The following MDGA2 variants were observed in gnomAD, a reference collection of about 807,000 sequenced individuals.
The protein encoded by MDGA2 is MAM domain containing glycosylphosphatidylinositol anchor 2.
A neutral mutation model predicts 117.8 loss-of-function variants in MDGA2; 40 were observed. The ratio of observed to expected loss-of-function variants is 0.34; its 90% CI spans 0.26 to 0.44. The LOEUF (loss-of-function observed/expected upper bound fraction) is 0.44, where lower values mean the gene tolerates loss of function less well. Among genes scored for constraint, MDGA2 ranks in the 20% least tolerant of loss-of-function variants. The pLI is 1.00. For synonymous variants in MDGA2, 452 were observed against 439.0 expected (o/e 1.03, Z -0.37); for missense variants, 1,123 against 1,250.6 (o/e 0.90, Z 1.54).
intron 1 of MDGA2, among the ~76,000 whole-genome samples, chr14:47,373,881 C>A (rs773856613): frequency 2.4e-4 from 36 of 152,110 alleles, no homozygotes; most frequent in Admixed American, 3.9e-4. Flanking sequence ...AACATGATAA[C>A]TGTTTCTTAA....
At chr14:47,356,667 C>T (rs1178266839) in intron 1 of MDGA2, among the ~76,000 whole-genome samples, 2 of 152,138 alleles carry the variant, frequency 1.3e-5, no homozygotes, top group East Asian at 3.9e-4. Context: ...GACCTCACCC[C>T]TAAGGGCAAT....
intron 1 of MDGA2, among the ~76,000 whole-genome samples, chr14:47,460,711 C>T (rs984468711): frequency 1.3e-5 from 2 of 151,948 alleles, no homozygotes; most frequent in Admixed American, 1.3e-4. Context: ...CCATGGTGTA[C>T]TGAAAACAGA....
chr14:47,539,789 T>C (rs901814255), intron 1 of MDGA2, among the ~76,000 whole-genome samples: 1 of 152,190 alleles, frequency 6.6e-6, no homozygotes, highest in Non-Finnish European at 1.5e-5. Flanking sequence ...TTATATATGG[T>C]TCATACCACA....
intron 1 of MDGA2, among the ~76,000 whole-genome samples, chr14:47,608,230 T>C (rs1896776475): frequency 6.6e-6 from 1 of 152,150 alleles, no homozygotes; most frequent in African/African-American, 2.4e-5. Context: ...TAAGCACAAG[T>C]AGTTCCTCGT....
Position 47,336,177 on chromosome 14 carries a change from T to C in MDGA2, c.281-34627A>G, listed in dbSNP as rs537756546. Among the ~76,000 whole-genome samples the C allele has an allele frequency of 3.3e-5, 5 of 151,982 alleles. 1 individual carries two copies. In the South Asian group the frequency reaches 1.0e-3, roughly 32 times the overall value. On this transcript the variant is annotated intron_variant, in intron 1 of 16. Coordinates refer to ENST00000399232, the MANE Select transcript of MDGA2 (RefSeq NM_001113498.3). ...AGGAAAAGGTCAGGAATTGTAAATA[T>C]CAACATTTAGGAGATGTCTTGTAGA...
chr14:47,342,129 G>A (rs1293658403), intron 1 of MDGA2, among the ~76,000 whole-genome samples: 2 of 152,002 alleles, frequency 1.3e-5, no homozygotes, highest in Non-Finnish European at 2.9e-5. Flanking sequence ...GGGGTTACAG[G>A]CGTGAGCCAC....
At chr14:47,406,750 G>A (rs892574736) in intron 1 of MDGA2, among the ~76,000 whole-genome samples, 7 of 151,842 alleles carry the variant, frequency 4.6e-5, no homozygotes, top group Admixed American at 1.3e-4. Flanking sequence ...CTCCCATAAT[G>A]ATTTAAATAA....
chr14:47,613,438 C>A (rs1277713657), intron 1 of MDGA2, among the ~76,000 whole-genome samples: 1 of 151,322 alleles, frequency 6.6e-6, no homozygotes, highest in African/African-American at 2.4e-5. Context: ...CTACTATTTG[C>A]AGGCAACTTT....
intron 2 of MDGA2, among the ~76,000 whole-genome samples, chr14:47,266,199 G>A (rs1887960087): frequency 6.6e-6 from 1 of 152,096 alleles, no homozygotes; most frequent in Non-Finnish European, 1.5e-5. Flanking sequence ...TAACTCCCAA[G>A]CCCATTCTTT....
rs369427491 is a variant in MDGA2 at position 47,515,203 on chromosome 14, G to A, written c.280+159314C>T. ...CTTGCACAGCAGACTAGAGAATTAC[G>A]CCTGGATGAGGGGCTGGCTAGTTGA... On this transcript the variant is annotated intron_variant, in intron 1 of 16. Coordinates refer to ENST00000399232, the MANE Select transcript of MDGA2 (RefSeq NM_001113498.3). Among the ~76,000 whole-genome samples, 35 of 152,212 alleles carry A rather than the reference G, an allele frequency of 2.3e-4. No individual in the cohort carries two copies. The East Asian group carries it at 2.5e-3, about 11-fold the overall frequency.
chr14:47,606,186 T>C (rs1896740473), intron 1 of MDGA2, among the ~76,000 whole-genome samples: 1 of 152,234 alleles, frequency 6.6e-6, no homozygotes, highest in Non-Finnish European at 1.5e-5. Context: ...ATACTCACTA[T>C]TATGTCCTTA....
At chr14:47,210,885 G>A (rs1415840094) in intron 3 of MDGA2, among the ~76,000 whole-genome samples, 1 of 151,974 alleles carries the variant, frequency 6.6e-6, no homozygotes, top group Non-Finnish European at 1.5e-5. Flanking sequence ...TCAGGAGCCT[G>A]AGGGGGAGGA....
At chr14:47,592,015 C>A (rs567547025) in intron 1 of MDGA2, among the ~76,000 whole-genome samples, 4 of 151,968 alleles carry the variant, frequency 2.6e-5, no homozygotes, top group African/African-American at 9.6e-5. Flanking sequence ...CCAAAAGCTT[C>A]TTAAGCTGAT....
chr14:47,098,521 C>T (rs1325974688), intron 5 of MDGA2, among the ~76,000 whole-genome samples: 2 of 151,190 alleles, frequency 1.3e-5, no homozygotes, highest in African/African-American at 4.9e-5. Context: ...GCAAAAGTTG[C>T]CATATTTTGG....
intron 1 of MDGA2, among the ~76,000 whole-genome samples, chr14:47,631,228 C>G (rs1430499096): frequency 6.6e-6 from 1 of 152,148 alleles, no homozygotes; most frequent in Non-Finnish European, 1.5e-5. Context: ...CTCTTCTACT[C>G]CCATCAGTGT....
intron 1 of MDGA2, among the ~76,000 whole-genome samples, chr14:47,428,446 T>C (rs1461644463): frequency 6.6e-6 from 1 of 152,134 alleles, no homozygotes; most frequent in Non-Finnish European, 1.5e-5. Flanking sequence ...TTGATTAGTC[T>C]ACATAAAGAT....
rs561107156 is a variant in MDGA2, at chr14:47,284,535, G to A, written c.420+16876C>T. ...GTACCCCAGCCGAAAGTTTTTGCTT[G>A]TCAACCTGATACTATTTGGTTTCTT... On this transcript the variant is annotated intron_variant, in intron 2 of 16. Coordinates refer to ENST00000399232, the MANE Select transcript of MDGA2 (RefSeq NM_001113498.3). Among the ~76,000 whole-genome samples the A allele has an allele frequency of 9.9e-5, 15 of 152,160 alleles. No homozygotes were observed. In the East Asian group the frequency reaches 2.3e-3, roughly 24 times the overall value.
intron 1 of MDGA2, among the ~76,000 whole-genome samples, chr14:47,331,078 A>G (rs1566741891): frequency 6.6e-6 from 1 of 151,876 alleles, no homozygotes; most frequent in Non-Finnish European, 1.5e-5. Context: ...CAACTTTTTT[A>G]TAATGAAAAT....
intron 1 of MDGA2, among the ~76,000 whole-genome samples, chr14:47,329,209 C>T (rs935849026): frequency 1.3e-5 from 2 of 151,924 alleles, no homozygotes; most frequent in Admixed American, 6.6e-5. Context: ...TGAGATTACA[C>T]GTGTGAGCCA....
Sources: allele counts gnomAD v4.1 joint callset (sites outside exome capture counted in the v4.1 genomes callset), GRCh38; gene constraint gnomAD v4.1.1; transcripts MANE v1.5; gene names NCBI Gene and HGNC (gene_info 2026-07-23, HGNC 2026-07-21).